The following PLAA variants were observed in gnomAD, a reference collection of about 807,000 sequenced individuals.
PLAA encodes the protein phospholipase A2 activating protein.
In PLAA, 48 loss-of-function variants were observed where a neutral mutation model predicts 84.1. That is an observed-to-expected ratio of 0.57 (90% confidence interval 0.45 to 0.73). The LOEUF (loss-of-function observed/expected upper bound fraction) is 0.73, where lower values mean the gene tolerates loss of function less well. Among genes scored for constraint, PLAA ranks in the 30% least tolerant of loss-of-function variants. The pLI is 0.00. For missense variants in PLAA, 903 were observed against 954.7 expected, an observed-to-expected ratio of 0.95 and a Z score of 0.71; for synonymous variants, 392 against 336.6, an observed-to-expected ratio of 1.16 and a Z score of -1.80.
rs182033275 is a variant in PLAA at position 26,919,654 on chromosome 9, G to A, written c.1198-125C>T. 1.1e-4 allele frequency: 67 copies of A among 614,208 alleles called. No homozygotes were observed. The Admixed American group carries it at 1.5e-3, about 13-fold the overall frequency. 38.0% of individuals were successfully genotyped at this position (614,208 alleles called of 1,614,324 possible). A position where few individuals can be genotyped will look rare whatever the true frequency, so the allele number is the denominator to read the frequency against. ...GTACTTAAACTTTCTCCAAAGTGCAGTGCTAAAATCTTCGTTTTTGGCAGA... is the reference window on the plus strand; with the variant it reads ...GTACTTAAACTTTCTCCAAAGTGCAATGCTAAAATCTTCGTTTTTGGCAGA... On this transcript the variant is annotated intron_variant, in intron 8 of 13. Coordinates refer to ENST00000397292, the MANE Select transcript of PLAA (RefSeq NM_001031689.3).
chr9:26,910,618 T>TA (rs1481071096), intron 11 of PLAA, among the ~76,000 whole-genome samples, 179 bp from the exon 12 acceptor site: 1 of 140,818 alleles, frequency 7.1e-6, no homozygotes, highest in Non-Finnish European at 1.6e-5. Flanking sequence ...TATTTATTGA[T>TA]ATAATATTTT....
At chr9:26,934,820 A>G (rs1024022686) in intron 2 of PLAA, among the ~76,000 whole-genome samples, 193 bp downstream of exon 2, 4 of 152,168 alleles carry the variant, frequency 2.6e-5, no homozygotes, top group African/African-American at 7.2e-5. Context: ...AAGCATATCA[A>G]CCTTTACTGA....
rs761183581 is a variant in PLAA at position 26,919,347 on chromosome 9, C to A, written c.1380G>T (p.Leu460Phe). Residue 460 changes from leucine to phenylalanine, a missense_variant, in exon 9 of 14, where the codon TTG becomes TTT. By Grantham distance (22) the Leu-to-Phe change is conservative. Transcript: ENST00000397292. ...CTGAAAAGCTGGGATTCCCAAGTCC[C>A]AACATTTGACCTTTTGTGTTATCAA... Reference protein sequence around the residue: ...FIIDNTKGQMLGLGNPSFSDP... With the variant: ...FIIDNTKGQMFGLGNPSFSDP... 6.2e-7 allele frequency: 1 copy of A among 1,611,696 alleles called. No homozygotes were observed. The highest frequency in any genetic ancestry group is 1.1e-5 in the South Asian group (1 of 90,938).
rs866567800 is a variant in PLAA, at chr9:26,932,324, C to T, written c.343+2689G>A. Among the ~76,000 whole-genome samples the T allele has an allele frequency of 2.0e-5, 3 of 152,144 alleles. No individual in the cohort carries two copies. In the South Asian group the frequency reaches 6.2e-4, roughly 32 times the overall value. On this transcript the variant is annotated intron_variant, in intron 2 of 13. Transcript: ENST00000397292. Reference sequence around the variant, plus strand: ...GGGTCAACAAACTAATGCTGGTGAGCCACCTGTATTTGTATACCTAACAAA... The same window carrying T: ...GGGTCAACAAACTAATGCTGGTGAGTCACCTGTATTTGTATACCTAACAAA...
intron 12 of PLAA, among the ~76,000 whole-genome samples, chr9:26,908,823 G>C (rs17833941): frequency 0.093 from 14,162 of 152,146 alleles, 1,575 homozygotes; most frequent in East Asian, 0.61. Flanking sequence ...ATATATTCAA[G>C]TGTAAGTCAA....
At chr9:26,924,114 T>G (rs917157845) in intron 6 of PLAA, among the ~76,000 whole-genome samples, 6 of 152,136 alleles carry the variant, frequency 3.9e-5, no homozygotes, top group Admixed American at 3.9e-4. Context: ...CTATCCCTTA[T>G]AGCTGTCACC....
chr9:26,907,717 G>T, intron 13 of PLAA, 117 bp downstream of exon 13: 1 of 823,744 alleles, frequency 1.2e-6, no homozygotes, highest in Non-Finnish European at 1.9e-6. Flanking sequence ...ATTTTCCATA[G>T]TGATTTAGAA....
At chr9:26,926,036 A>C in intron 5 of PLAA, 76 bp from the exon 6 acceptor site, 1 of 1,236,704 alleles carries the variant, frequency 8.1e-7, no homozygotes, top group Non-Finnish European at 1.1e-6. Context: ...TTCTAGATAC[A>C]CTGACTTTTT....
intron 11 of PLAA, among the ~76,000 whole-genome samples, chr9:26,913,550 G>A (rs1824458152): frequency 6.6e-6 from 1 of 152,148 alleles, no homozygotes. Flanking sequence ...CAGTAAAACA[G>A]TAGTTTCCGA....
rs184132451 is a variant in PLAA, at chr9:26,914,714, T to C, written c.1487-767A>G. Among the ~76,000 whole-genome samples, 614 of 150,126 alleles carry C rather than the reference T, an allele frequency of 4.1e-3. 2 individuals are homozygous for C. The highest frequency in any genetic ancestry group is 0.014 in the African/African-American group (581 of 41,494). ...AAGTATTATATAGATACCATTATAA[T>C]TCACAATATTTTAGAAGCAGAAGGT... is the stretch of plus-strand genomic sequence containing the variant. On this transcript the variant is annotated intron_variant, in intron 10 of 13. Transcript: ENST00000397292.
intron 12 of PLAA, among the ~76,000 whole-genome samples, chr9:26,909,083 T>C (rs938045011): frequency 6.6e-6 from 1 of 152,200 alleles, no homozygotes; most frequent in Admixed American, 6.5e-5. Flanking sequence ...ATCTTTAGTA[T>C]CAGTATCCTT....
chr9:26,934,386 A>C (rs147521458), intron 2 of PLAA, among the ~76,000 whole-genome samples: 2 of 152,176 alleles, frequency 1.3e-5, no homozygotes, highest in African/African-American at 4.8e-5. Flanking sequence ...AGTTTTCTGA[A>C]TAAATGCATT....
At chr9:26,910,212 T>C in intron 12 of PLAA, 126 bp downstream of exon 12, 2 of 626,166 alleles carry the variant, frequency 3.2e-6, no homozygotes, top group Non-Finnish European at 5.7e-6. Flanking sequence ...AGTTGTTTAA[T>C]ACTGCAATAG....
intron 1 of PLAA, among the ~76,000 whole-genome samples, chr9:26,938,315 G>C (rs766067226): frequency 1.5e-4 from 23 of 152,246 alleles, no homozygotes; most frequent in Non-Finnish European, 2.6e-4. Context: ...GGAGGCTGCA[G>C]AGTGCTGCGA....
In PLAA at chr9:26,928,296, GAAC is replaced by G. The variant is rs763737727; in HGVS notation, c.444+9_444+11del. Reference sequence around the variant, plus strand: ...AATTATTCTTTAGAATATTTACACAGAACTACTGTACCTGCAAGGTCATCATGC... The same window carrying G: ...AATTATTCTTTAGAATATTTACACAGTACTGTACCTGCAAGGTCATCATGC... On this transcript the variant is annotated intron_variant, in intron 3 of 13. Transcript: ENST00000397292. 18 of 1,613,546 alleles carry G rather than the reference GAAC, an allele frequency of 1.1e-5. No individual in the cohort carries two copies. Among genetic ancestry groups the G allele is most frequent in the Non-Finnish European group, 1.4e-5 (17 of 1,179,608 alleles).
chr9:26,929,649 G>T (rs1825105752), intron 2 of PLAA, among the ~76,000 whole-genome samples: 1 of 152,076 alleles, frequency 6.6e-6, no homozygotes, highest in Non-Finnish European at 1.5e-5. Context: ...TACTTATTTG[G>T]ATTTCAGAAT....
intron 1 of PLAA, among the ~76,000 whole-genome samples, chr9:26,946,512 G>GAAAA (rs75570453): frequency 2.1e-3 from 263 of 123,104 alleles, no homozygotes; most frequent in African/African-American, 6.2e-3. Context: ...CATCTTCTTC[G>GAAAA]AAAAAAAAAA....
At position 26,906,029 on chromosome 9, in the gene PLAA, G is replaced by A; in HGVS notation, c.1870C>T (p.Pro624Ser). The A allele has an allele frequency of 6.3e-7, 1 of 1,598,690 alleles. No individual in the cohort carries two copies. Among genetic ancestry groups the A allele is most frequent in the Non-Finnish European group, 8.5e-7 (1 of 1,170,916 alleles). Residue 624 changes from proline (P) to serine (S), a missense_variant, in exon 14 of 14, where the codon CCC becomes TCC. Coordinates refer to ENST00000397292, the MANE Select transcript of PLAA (RefSeq NM_001031689.3). ...LDILRLSIKH[P>S]SVNENFCNEK... The stretch of plus-strand genomic sequence containing the variant: ...TTGCAGAAGTTCTCATTCACACTGG[G>A]GTGTTTAATTGACAACCGAAGAATG...
Position 26,904,121 on chromosome 9 carries a change from T to C in PLAA, c.*1390A>G, listed in dbSNP as rs1193420963. 6.5e-6 allele frequency: 1 copy of C among 152,776 alleles called. No individual in the cohort carries two copies. The allele number at this position is 152,776 out of a possible 1,614,324, so 9.5% of individuals were successfully genotyped here. On this transcript the variant is annotated 3_prime_UTR_variant, in exon 14 of 14. Coordinates refer to ENST00000397292, the MANE Select transcript of PLAA (RefSeq NM_001031689.3). ...TACTCAGCAAAGTACATATCCCCTC[T>C]ATTTACATTTTGCTCATTTCCTTTT...
Sources: allele counts gnomAD v4.1 joint callset (sites outside exome capture counted in the v4.1 genomes callset), GRCh38; gene constraint gnomAD v4.1.1; transcripts MANE v1.5; gene names NCBI Gene and HGNC (gene_info 2026-07-23, HGNC 2026-07-21).